Variants in JAK2 observed in about 807,000 individuals in gnomAD.
The protein encoded by JAK2 is tyrosine-protein kinase JAK2.
In JAK2, 86 loss-of-function variants were observed where a neutral mutation model predicts 139.3. The ratio of observed to expected loss-of-function variants is 0.62; its 90% confidence interval spans 0.52 to 0.74. The LOEUF (loss-of-function observed/expected upper bound fraction) is 0.74. JAK2 is among the 30% of genes least tolerant of loss of function. The probability of loss-of-function intolerance (pLI) is 0.00; values close to 1 mark genes in which losing one functional copy is unlikely to be tolerated. For synonymous variants in JAK2, 490 were observed against 437.7 expected, an observed-to-expected ratio of 1.12 and a Z score of -1.49; for missense variants, 1,421 against 1,360.3, an observed-to-expected ratio of 1.04 and a Z score of -0.70.
At chr9:4,997,430 T>G (rs906853653) in intron 2 of JAK2, among the ~76,000 whole-genome samples, 1 of 152,156 alleles carries the variant, frequency 6.6e-6, no homozygotes, top group African/African-American at 2.4e-5. Context: ...TTTCAAGAGC[T>G]GGAGCAAAAG....
chr9:5,041,867 C>T (rs1343789274), intron 4 of JAK2: 34 of 457,480 alleles, frequency 7.4e-5, no homozygotes, highest in South Asian at 4.8e-4. Context: ...ACCCCATGGC[C>T]GGCCACTCCA....
intron 20 of JAK2, 122 bp downstream of exon 20, chr9:5,089,985 A>G (rs892287761): frequency 7.6e-6 from 4 of 525,632 alleles, no homozygotes; most frequent in Non-Finnish European, 1.2e-5. Context: ...GAGGCATTCT[A>G]TAATGACTAG....
chr9:5,088,213 T>G (rs1820283694), intron 19 of JAK2, among the ~76,000 whole-genome samples: 1 of 152,002 alleles, frequency 6.6e-6, no homozygotes, highest in African/African-American at 2.4e-5. Context: ...CAATCTGACT[T>G]GAGAGTCCTG....
chr9:5,048,279 T>A (rs374173400), intron 5 of JAK2, among the ~76,000 whole-genome samples: 3 of 151,968 alleles, frequency 2.0e-5, no homozygotes, highest in African/African-American at 7.3e-5. Context: ...GTAGCTGGGA[T>A]TACAGGTGCC....
At chr9:5,066,031 A>G (rs1818544859) in intron 9 of JAK2, among the ~76,000 whole-genome samples, 1 of 152,142 alleles carries the variant, frequency 6.6e-6, no homozygotes. Context: ...AATTCATTCA[A>G]ACATTCTTTT....
chr9:5,029,601 T>TA (rs1291629590), intron 3 of JAK2, among the ~76,000 whole-genome samples, 182 bp from the exon 4 acceptor site: 2 of 152,138 alleles, frequency 1.3e-5, no homozygotes, highest in African/African-American at 4.8e-5. Flanking sequence ...TATGTTTGTA[T>TA]AAAAAAAGAT....
intron 3 of JAK2, among the ~76,000 whole-genome samples, chr9:5,025,625 C>G (rs956002660): frequency 2.6e-5 from 4 of 151,310 alleles, no homozygotes; most frequent in Non-Finnish European, 5.9e-5. Context: ...CCTCCGCCTT[C>G]CAAGTTCAAG....
At chr9:5,117,662 C>T (rs1445590379) in intron 22 of JAK2, among the ~76,000 whole-genome samples, 1 of 140,890 alleles carries the variant, frequency 7.1e-6, no homozygotes, top group Non-Finnish European at 1.5e-5. Context: ...ATGGTTTTAT[C>T]TTAAATAAAT....
At chr9:5,023,436 G>C (rs1016843954) in intron 3 of JAK2, among the ~76,000 whole-genome samples, 1 of 152,200 alleles carries the variant, frequency 6.6e-6, no homozygotes, top group African/African-American at 2.4e-5. Flanking sequence ...TAGGACTCGG[G>C]GGGAGCGTGG....
At chr9:5,042,348 A>G (rs1204232125) in intron 4 of JAK2, among the ~76,000 whole-genome samples, 2 of 151,332 alleles carry the variant, frequency 1.3e-5, no homozygotes, top group Non-Finnish European at 2.9e-5. Context: ...CTTGTTAGCC[A>G]GGATGGTCTC....
chr9:5,079,395 A>G (rs905297471), intron 16 of JAK2, among the ~76,000 whole-genome samples: 9 of 152,188 alleles, frequency 5.9e-5, no homozygotes, highest in Admixed American at 5.9e-4. Context: ...TACTTGAGAA[A>G]TTCCGTGATT....
At chr9:5,051,613 T>A (rs1400464667) in intron 6 of JAK2, among the ~76,000 whole-genome samples, 1 of 152,180 alleles carries the variant, frequency 6.6e-6, no homozygotes, top group Non-Finnish European at 1.5e-5. Flanking sequence ...CAATCATGGC[T>A]AATATAAAAC....
At chr9:5,013,463 T>G (rs553429538) in intron 2 of JAK2, among the ~76,000 whole-genome samples, 5 of 152,352 alleles carry the variant, frequency 3.3e-5, no homozygotes, top group African/African-American at 7.2e-5. Context: ...ATTCTTGGCT[T>G]CTTCTTCAGA....
At position 5,022,005 on chromosome 9, in the gene JAK2, T is replaced by TA; in HGVS notation, c.19dup (p.Thr7AsnfsTer18). The TA allele has an allele frequency of 6.2e-7, 1 of 1,613,860 alleles. No individual in the cohort carries two copies. Among genetic ancestry groups the TA allele is most frequent in the Non-Finnish European group, 8.5e-7 (1 of 1,179,712 alleles). ...GACTCTGCATGGGAATGGCCTGCCT[T>TA]ACGATGACAGAAATGGAGGGAACAT... On this transcript the variant is annotated frameshift_variant, in exon 3 of 25. Transcript: ENST00000381652. LOFTEE classifies it high-confidence loss of function.
At chr9:5,077,897 T>C (rs1586748445) in intron 15 of JAK2, among the ~76,000 whole-genome samples, 1 of 152,224 alleles carries the variant, frequency 6.6e-6, no homozygotes, top group East Asian at 1.9e-4. Flanking sequence ...TGGGCCATTG[T>C]ACATTATGGT....
At chr9:5,105,096 T>C (rs1821844095) in intron 22 of JAK2, among the ~76,000 whole-genome samples, 1 of 152,128 alleles carries the variant, frequency 6.6e-6, no homozygotes, top group African/African-American at 2.4e-5. Context: ...GGGTATTCAA[T>C]TAGGAAAAGA....
intron 2 of JAK2, among the ~76,000 whole-genome samples, chr9:5,006,815 A>G (rs538647097): frequency 1.3e-5 from 2 of 152,286 alleles, no homozygotes; most frequent in South Asian, 2.1e-4. Context: ...GGGACACAGA[A>G]CCAAACCATA....
rs774426615 is a variant in JAK2, at chr9:5,044,447, A to T, written c.395A>T (p.Tyr132Phe). 1.2e-6 allele frequency: 2 copies of T among 1,613,402 alleles called. No individual in the cohort carries two copies. Among genetic ancestry groups the T allele is most frequent in the Non-Finnish European group, 1.7e-6 (2 of 1,179,618 alleles). ...TATTGCAGTGGCAGCAACAGAGCCT[A>T]TCGGCATGGAATATCTCGAGGTGCT... ...RWYCSGSNRAYRHGISRGAEA... is the reference protein window; with the variant it reads ...RWYCSGSNRAFRHGISRGAEA... Residue 132 changes from tyrosine to phenylalanine, a missense_variant, in exon 5 of 25, where the codon TAT becomes TTT. Coordinates refer to ENST00000381652, the MANE Select transcript of JAK2 (RefSeq NM_004972.4).
At position 5,128,193 on chromosome 9, in the gene JAK2, G is replaced by T. The variant is rs1236673300; in HGVS notation, c.*1402G>T. ...ATAGTTTCTTACTTTATTTTTACTGGTATGTTCTACTTTTTTGAAAGTTGT... is the reference window on the plus strand; with the variant it reads ...ATAGTTTCTTACTTTATTTTTACTGTTATGTTCTACTTTTTTGAAAGTTGT... On this transcript the variant is annotated 3_prime_UTR_variant, in exon 25 of 25. Transcript: ENST00000381652. The T allele has an allele frequency of 4.4e-6, 1 of 229,546 alleles. No individual in the cohort carries two copies. The highest frequency in any genetic ancestry group is 8.6e-6 in the Non-Finnish European group (1 of 116,020). 14.2% of individuals were successfully genotyped at this position (229,546 alleles called of 1,614,324 possible).
Sources: gnomAD v4.1 joint callset for allele counts (sites outside exome capture counted in the v4.1 genomes callset) on GRCh38, gnomAD v4.1.1 for gene constraint, MANE v1.5 for transcripts, NCBI Gene and HGNC (gene_info 2026-07-23, HGNC 2026-07-21) for gene names.